MYDGF: variants seen among roughly 807,000 people sequenced by gnomAD.
MYDGF encodes the protein myeloid derived growth factor.
Under a neutral mutation model 24.2 loss-of-function variants are expected in MYDGF, and 29 were observed. The observed-to-expected ratio is 1.20, with a 90% CI of 0.89 to 1.63. MYDGF has a LOEUF of 1.63. Ranked by LOEUF, MYDGF falls within the 40% of genes most tolerant of loss-of-function variation. The probability of loss-of-function intolerance (pLI) is 0.00; values close to 1 mark genes in which losing one functional copy is unlikely to be tolerated. For missense variants in MYDGF, 245 were observed against 234.8 expected, an observed-to-expected ratio of 1.04 and a Z score of -0.29; for synonymous variants, 105 against 102.5, an observed-to-expected ratio of 1.02 and a Z score of -0.15.
At chr19:4,664,742 G>A (rs2286367) in intron 3 of MYDGF, 134 bp downstream of exon 3, 53,464 of 945,806 alleles carry the variant, frequency 0.057, 5,562 homozygotes, top group African/African-American at 0.39. Context: ...CCACCTGCAC[G>A]TGCATGAGTC....
intron 3 of MYDGF, among the ~76,000 whole-genome samples, chr19:4,664,534 C>T (rs1158625805): frequency 1.3e-5 from 2 of 151,694 alleles, no homozygotes; most frequent in African/African-American, 2.4e-5. Flanking sequence ...TTGGTGAGTT[C>T]GTCTCACCCT....
chr19:4,659,976 C>A lies in MYDGF; in HGVS notation c.397G>T (p.Asp133Tyr), dbSNP rs2088457412. The stretch of plus-strand genomic sequence containing the variant: ...AATTCCTCAGTTTTCAGAGGGACAT[C>A]ACTTTCCCTTTCAAATGCGGCTTTA... ...YSKAAFERESDVPLKTEEFEV... is the reference protein window; with the variant it reads ...YSKAAFERESYVPLKTEEFEV... Residue 133 changes from aspartate (D) to tyrosine (Y), a missense_variant, in exon 5 of 6, where the codon GAT becomes TAT. Physicochemically the swap from Asp to Tyr is radical, Grantham distance 160. Transcript: ENST00000262947. 6.2e-7 allele frequency: 1 copy of A among 1,613,964 alleles called. No homozygotes were observed. Among genetic ancestry groups the A allele is most frequent in the African/African-American group, 1.3e-5 (1 of 74,930 alleles).
At position 4,660,731 on chromosome 19, in the gene MYDGF, G is replaced by A. The variant is rs756840719; in HGVS notation, c.307C>T (p.Leu103=). Residue 103 remains leucine, a synonymous_variant, in exon 4 of 6, where the codon CTG becomes TTG. Transcript: ENST00000262947. ...TCTGCCTTGAACTGTGTGAAGTACA[G>A]ATAGGACTTCCCCTGGGGCCTGCAG... is the stretch of plus-strand genomic sequence containing the variant. ...TIWRPQGKSY[L]YFTQFKAEVR... is the part of the protein sequence containing the mutation. 6.2e-7 allele frequency: 1 copy of A among 1,613,910 alleles called. No individual in the cohort carries two copies. The highest frequency in any genetic ancestry group is 1.1e-5 in the South Asian group (1 of 91,076).
At position 4,664,048 on chromosome 19, in the gene MYDGF, C is replaced by T. The variant is rs140894734; in HGVS notation, c.287+828G>A. ...GCATGGATGAGCCTTGAGGACGTCA[C>T]GTTCAGTGAGAGACGCCAGACACCA... On this transcript the variant is annotated intron_variant, in intron 3 of 5. Coordinates refer to ENST00000262947, the MANE Select transcript of MYDGF (RefSeq NM_019107.4). Among the ~76,000 whole-genome samples the T allele has an allele frequency of 4.6e-3, 706 of 151,830 alleles. 3 individuals carry two copies. Among genetic ancestry groups the T allele is most frequent in the Middle Eastern group, 0.014 (4 of 294 alleles).
In MYDGF at chr19:4,659,994, C is replaced by T. The variant is rs200822487; in HGVS notation, c.379G>A (p.Ala127Thr). ...GGGACATCACTTTCCCTTTCAAATGCGGCTTTAGACTGAAAAAGAATGAGT... is the reference window on the plus strand; with the variant it reads ...GGGACATCACTTTCCCTTTCAAATGTGGCTTTAGACTGAAAAAGAATGAGT... ...IEYAMAYSKA[A>T]FERESDVPLK... The change falls in exon 5 of 6, where the codon GCA (alanine) becomes ACA (threonine). Residue 127 changes from alanine (A) to threonine (T), a missense_variant. By Grantham distance (58) the Ala-to-Thr change is moderately conservative (BLOSUM62 0). Coordinates refer to ENST00000262947, the MANE Select transcript of MYDGF (RefSeq NM_019107.4). The T allele has an allele frequency of 6.1e-5, 98 of 1,613,778 alleles. No individual in the cohort carries two copies. The highest frequency in any genetic ancestry group is 1.6e-4 in the Middle Eastern group (1 of 6,084).
chr19:4,660,567 C>G, intron 4 of MYDGF, 102 bp downstream of exon 4: 1 of 1,131,266 alleles, frequency 8.8e-7, no homozygotes, highest in Non-Finnish European at 1.3e-6. Flanking sequence ...GCTGTCCCCT[C>G]TCCTCCCTGT....
chr19:4,658,195 C>T, intron 5 of MYDGF, 111 bp from the exon 6 acceptor site: 1 of 808,892 alleles, frequency 1.2e-6, no homozygotes, highest in Non-Finnish European at 1.9e-6. Flanking sequence ...GGAGCAGTCT[C>T]CAAAGCAGAC....
intron 1 of MYDGF, among the ~76,000 whole-genome samples, chr19:4,669,751 C>T (rs1157765718): frequency 6.6e-6 from 1 of 152,162 alleles, no homozygotes; most frequent in Non-Finnish European, 1.5e-5. Flanking sequence ...AAGGAAGGAG[C>T]ACTTCCTCCC....
rs746047228 is a variant in MYDGF at position 4,664,869 on chromosome 19, G to A, written c.287+7C>T. ...GCCGGAAATGCCATCCCCACCCCGAGTCTCACCTCCAGATGGTGCAGGTGA... is the reference window on the plus strand; with the variant it reads ...GCCGGAAATGCCATCCCCACCCCGAATCTCACCTCCAGATGGTGCAGGTGA... On this transcript the variant is annotated splice_region_variant and intron_variant, in intron 3 of 5. Coordinates refer to ENST00000262947, the MANE Select transcript of MYDGF (RefSeq NM_019107.4). 12 of 1,612,110 alleles carry A rather than the reference G, an allele frequency of 7.4e-6. No homozygotes were observed. The East Asian group carries it at 2.2e-4, about 30-fold the overall frequency.
At chr19:4,663,134 A>G (rs1018929900) in intron 3 of MYDGF, among the ~76,000 whole-genome samples, 3 of 142,074 alleles carry the variant, frequency 2.1e-5, no homozygotes, top group African/African-American at 8.0e-5. Flanking sequence ...CTCATTCTAC[A>G]GCCTCCAATC....
At chr19:4,658,236 G>T (rs2145181289) in intron 5 of MYDGF, 152 bp from the exon 6 acceptor site, 1 of 624,966 alleles carries the variant, frequency 1.6e-6, no homozygotes, top group Non-Finnish European at 2.8e-6. Context: ...GGCACTGAAA[G>T]TCTTACGGGT....
In MYDGF at chr19:4,657,716, A is replaced by G. The variant is rs960736787; in HGVS notation, c.*289T>C. The G allele has an allele frequency of 1.7e-5, 5 of 289,654 alleles. No individual in the cohort carries two copies. The highest frequency in any genetic ancestry group is 1.1e-4 in the African/African-American group (5 of 46,400). The allele number at this position is 289,654 out of a possible 1,614,324, so 17.9% of individuals were successfully genotyped here. The stretch of plus-strand genomic sequence containing the variant: ...GGCTGCTTTCCCCAGCATAGCCCCC[A>G]TGTTCCCCACCCTCTTTGTGCCCCG... On this transcript the variant is annotated 3_prime_UTR_variant, in exon 6 of 6. Transcript: ENST00000262947.
At chr19:4,663,470 C>A (rs1219253045) in intron 3 of MYDGF, among the ~76,000 whole-genome samples, 1 of 134,806 alleles carries the variant, frequency 7.4e-6, no homozygotes, top group African/African-American at 2.9e-5. Context: ...ACCCTCCCCA[C>A]CCCATCCTCA....
intron 3 of MYDGF, among the ~76,000 whole-genome samples, chr19:4,663,501 G>A (rs2088492038): frequency 3.0e-5 from 2 of 65,714 alleles, no homozygotes; most frequent in African/African-American, 1.4e-4. Context: ...TCCAACCTGT[G>A]CACTCTCCAC....
At chr19:4,668,807 A>C in intron 1 of MYDGF, 162 bp from the exon 2 acceptor site, 7 of 576,912 alleles carry the variant, frequency 1.2e-5, no homozygotes, top group East Asian at 6.1e-5. Flanking sequence ...TCAGCCTCTC[A>C]AGTAACTGAG....
At chr19:4,660,045 T>C (rs200226401) in intron 4 of MYDGF, 42 bp from the exon 5 acceptor site, 1 of 1,537,162 alleles carries the variant, frequency 6.5e-7, no homozygotes, top group Non-Finnish European at 9.0e-7. Context: ...GCCAGTTCAA[T>C]GCTCATCATT....
chr19:4,658,834 C>T (rs767032087), intron 5 of MYDGF, among the ~76,000 whole-genome samples: 6 of 151,970 alleles, frequency 3.9e-5, no homozygotes, highest in Non-Finnish European at 8.8e-5. Context: ...TGAGAGTCTT[C>T]CTCTGTTGCC....
intron 1 of MYDGF, among the ~76,000 whole-genome samples, chr19:4,669,754 T>C (rs1429763897): frequency 6.6e-6 from 1 of 152,086 alleles, no homozygotes; most frequent in East Asian, 1.9e-4. Flanking sequence ...GAAGGAGCAC[T>C]TCCTCCCTCT....
chr19:4,660,417 C>T (rs770872582), intron 4 of MYDGF, among the ~76,000 whole-genome samples: 6 of 152,158 alleles, frequency 3.9e-5, no homozygotes, highest in Admixed American at 2.6e-4. Flanking sequence ...CGTGAACCGC[C>T]GCGCCTGGCC....
Sources: allele counts gnomAD v4.1 joint callset (sites outside exome capture counted in the v4.1 genomes callset), GRCh38; gene constraint gnomAD v4.1.1; transcripts MANE v1.5; gene names NCBI Gene and HGNC (gene_info 2026-07-23, HGNC 2026-07-21).